Variants in MANEA observed in about 807,000 individuals in gnomAD.
MANEA encodes the protein mannosidase endo-alpha, also known as glycoprotein endo-alpha-1,2-mannosidase.
MANEA carries 25 observed loss-of-function variants against 36.8 expected under a neutral mutation model. That is an observed-to-expected ratio of 0.68 (90% confidence interval 0.50 to 0.95). The LOEUF is 0.95. MANEA is among the 40% of genes least tolerant of loss of function. The pLI, the probability that MANEA is intolerant of heterozygous loss-of-function variation, is 0.00. For synonymous variants in MANEA, 198 were observed against 188.5 expected (o/e 1.05, Z -0.41); for missense variants, 565 against 558.8 (o/e 1.01, Z -0.11).
rs553193531 is a variant in MANEA at position 95,587,223 on chromosome 6, C to T, written c.544+240C>T. The stretch of plus-strand genomic sequence containing the variant: ...GCATTTCTGGATATATTGTTGATTT[C>T]TAATTTAATTCACTTTCTCAATTTT... On this transcript the variant is annotated intron_variant, in intron 2 of 4. Coordinates refer to ENST00000358812, the MANE Select transcript of MANEA (RefSeq NM_024641.4). The T allele has an allele frequency of 1.9e-4, 80 of 425,914 alleles. No individual in the cohort carries two copies. In the Middle Eastern group the frequency reaches 3.2e-3, roughly 17 times the overall value. The allele number at this position is 425,914 out of a possible 1,614,324, so 26.4% of individuals were successfully genotyped here.
Position 95,593,021 on chromosome 6 carries a change from GT to G in MANEA, c.545-3713del, listed in dbSNP as rs1200060131. ...AACATGACATGAGTTTTTGCATTTA[GT>G]TTGCTAATATTTCAAGAATGGACTT... On this transcript the variant is annotated intron_variant, in intron 2 of 4. Transcript: ENST00000358812. Among the ~76,000 whole-genome samples the G allele has an allele frequency of 2.6e-5, 4 of 152,258 alleles. No homozygotes were observed. The East Asian group carries it at 5.8e-4, about 22-fold the overall frequency.
rs1769290159 is a variant in MANEA at position 95,586,704 on chromosome 6, T to C, written c.265T>C (p.Ser89Pro). The C allele has an allele frequency of 1.2e-6, 2 of 1,613,904 alleles. No individual in the cohort carries two copies. Among genetic ancestry groups the C allele is most frequent in the Admixed American group, 1.7e-5 (1 of 60,000 alleles). Residue 89 changes from serine to proline, a missense_variant, in exon 2 of 5, where the codon TCT becomes CCT. Physicochemically the swap from Ser to Pro is moderately conservative, Grantham distance 74 (BLOSUM62 -1). Coordinates refer to ENST00000358812, the MANE Select transcript of MANEA (RefSeq NM_024641.4). ...VEITMKPSKA[S>P]ELNLDELPPL... The stretch of plus-strand genomic sequence containing the variant: ...AATCACTATGAAACCTTCCAAAGCC[T>C]CTGAACTTAACTTGGATGAACTACC...
intron 1 of MANEA, among the ~76,000 whole-genome samples, chr6:95,579,476 G>A (rs2127936542): frequency 6.6e-6 from 1 of 152,204 alleles, no homozygotes; most frequent in African/African-American, 2.4e-5. Context: ...GGCAAGGATT[G>A]ATTTTGAAAC....
chr6:95,582,586 A>C lies in MANEA; in HGVS notation c.-38-3816A>C, dbSNP rs1769203868. Reference sequence around the variant, plus strand: ...CAGGGTTTGAAAGACTTTGTGACTTAGCCCTTTCCAGAAATAAGCAGGTAT... The same window carrying C: ...CAGGGTTTGAAAGACTTTGTGACTTCGCCCTTTCCAGAAATAAGCAGGTAT... On this transcript the variant is annotated intron_variant, in intron 1 of 4. Transcript: ENST00000358812. 5.3e-5 allele frequency among the ~76,000 whole-genome samples: 8 copies of C among 152,198 alleles called. No individual in the cohort carries two copies. In the South Asian group the frequency reaches 1.7e-3, roughly 31 times the overall value.
Position 95,586,878 on chromosome 6 carries a change from C to A in MANEA, c.439C>A (p.Pro147Thr), listed in dbSNP as rs754984249. 6.2e-7 allele frequency: 1 copy of A among 1,613,498 alleles called. No individual in the cohort carries two copies. Among genetic ancestry groups the A allele is most frequent in the Non-Finnish European group, 8.5e-7 (1 of 1,179,488 alleles). Reference sequence around the variant, plus strand: ...TTATCCACAAGGGAGACACAACCCTCCAGATGACATTGGCTCCAGCTTTTA... The same window carrying A: ...TTATCCACAAGGGAGACACAACCCTACAGATGACATTGGCTCCAGCTTTTA... ...KNYPQGRHNP[P>T]DDIGSSFYPE... is the part of the protein sequence containing the mutation. The change falls in exon 2 of 5, where the codon CCA becomes ACA. Residue 147 changes from proline (P) to threonine (T), a missense_variant. Pro to Thr is a conservative substitution (Grantham distance 38). Transcript: ENST00000358812.
intron 2 of MANEA, 164 bp downstream of exon 2, chr6:95,587,147 C>G: frequency 1.8e-6 from 1 of 559,684 alleles, no homozygotes; most frequent in Non-Finnish European, 3.2e-6. Flanking sequence ...TCCAGGCAAC[C>G]ACATTTTAAC....
chr6:95,606,552 T>G lies in MANEA; in HGVS notation c.*147T>G, dbSNP rs1236482463. The G allele has an allele frequency of 7.4e-6, 3 of 405,606 alleles. No individual in the cohort carries two copies. The highest frequency in any genetic ancestry group is 1.3e-5 in the Non-Finnish European group (3 of 239,742). 25.1% of individuals were successfully genotyped at this position (405,606 alleles called of 1,614,324 possible). A position where few individuals can be genotyped will look rare whatever the true frequency, so the allele number is the denominator to read the frequency against. The stretch of plus-strand genomic sequence containing the variant: ...TTTTTTAAATTCTTTACAGATAATA[T>G]TATACTTGTTACCCTTCACAATACC... On this transcript the variant is annotated 3_prime_UTR_variant, in exon 5 of 5. Coordinates refer to ENST00000358812, the MANE Select transcript of MANEA (RefSeq NM_024641.4).
intron 4 of MANEA, 95 bp downstream of exon 4, chr6:95,604,998 G>T: frequency 6.9e-6 from 3 of 435,044 alleles, no homozygotes; most frequent in Non-Finnish European, 1.2e-5. Context: ...AGATTTGAAT[G>T]ATTTATGATT....
At chr6:95,594,338 A>G (rs1335520759) in intron 2 of MANEA, among the ~76,000 whole-genome samples, 2 of 152,170 alleles carry the variant, frequency 1.3e-5, no homozygotes, top group African/African-American at 2.4e-5. Flanking sequence ...AAGTGGTGAG[A>G]TATTTGAATA....
At position 95,607,880 on chromosome 6, in the gene MANEA, C is replaced by G. The variant is rs1015018875; in HGVS notation, c.*1475C>G. 8 of 151,396 alleles carry G rather than the reference C, an allele frequency of 5.3e-5. No homozygotes were observed. Among genetic ancestry groups the G allele is most frequent in the Non-Finnish European group, 1.2e-4 (8 of 67,644 alleles). 9.4% of individuals were successfully genotyped at this position (151,396 alleles called of 1,614,324 possible). A position where few individuals can be genotyped will look rare whatever the true frequency, so the allele number is the denominator to read the frequency against. ...ATAAATCTTCAGAGTATAAAGACAT[C>G]CATTCAGAAACAAAAATTAGCACTA... On this transcript the variant is annotated 3_prime_UTR_variant, in exon 5 of 5. Coordinates refer to ENST00000358812, the MANE Select transcript of MANEA (RefSeq NM_024641.4).
In MANEA at chr6:95,606,335, G is replaced by A. The variant is rs986838219; in HGVS notation, c.1319G>A (p.Arg440His). Reference protein sequence around the residue: ...HKPGLYLELTRKWSEKYSKER... With the variant: ...HKPGLYLELTHKWSEKYSKER... ...CCAGGTCTTTACCTAGAACTGACTC[G>A]CAAGTGGTCTGAAAAATACAGTAAG... The change falls in exon 5 of 5, where the codon CGC becomes CAC. Residue 440 changes from arginine to histidine, a missense_variant. Coordinates refer to ENST00000358812, the MANE Select transcript of MANEA (RefSeq NM_024641.4). 2 of 1,609,074 alleles carry A rather than the reference G, an allele frequency of 1.2e-6. No homozygotes were observed. Among genetic ancestry groups the A allele is most frequent in the South Asian group, 1.1e-5 (1 of 91,058 alleles).
In MANEA at chr6:95,595,774, T is replaced by G. The variant is rs1562198784; in HGVS notation, c.545-963T>G. 2.6e-5 allele frequency among the ~76,000 whole-genome samples: 4 copies of G among 152,184 alleles called. No homozygotes were observed. The South Asian group carries it at 8.3e-4, about 31-fold the overall frequency. On this transcript the variant is annotated intron_variant, in intron 2 of 4. Transcript: ENST00000358812. Reference sequence around the variant, plus strand: ...TCCAGTTAGTGATTTTCATGTAATTTATGCTTCTAACACATAATTTATCAG... The same window carrying G: ...TCCAGTTAGTGATTTTCATGTAATTGATGCTTCTAACACATAATTTATCAG...
At chr6:95,604,984 T>C (rs1769671990) in intron 4 of MANEA, 81 bp downstream of exon 4, 1 of 476,252 alleles carries the variant, frequency 2.1e-6, no homozygotes, top group Admixed American at 4.3e-5. Flanking sequence ...TTAAATTATA[T>C]TTGAGATTTG....
intron 4 of MANEA, 148 bp from the exon 5 acceptor site, chr6:95,605,600 A>AATT: frequency 1.7e-6 from 1 of 598,458 alleles, no homozygotes; most frequent in Non-Finnish European, 2.9e-6. Context: ...ATGCATTTTT[A>AATT]ATTATTACAC....
intron 1 of MANEA, among the ~76,000 whole-genome samples, chr6:95,586,195 GTTTA>G (rs1291081982): frequency 6.6e-6 from 1 of 152,080 alleles, no homozygotes; most frequent in Non-Finnish European, 1.5e-5. Context: ...GAATATTGCC[GTTTA>G]TTCTAGCCAT....
intron 2 of MANEA, among the ~76,000 whole-genome samples, chr6:95,587,975 A>C (rs1163576840): frequency 6.6e-6 from 1 of 151,898 alleles, no homozygotes; most frequent in East Asian, 1.9e-4. Context: ...ACCTTTTTAC[A>C]ATACGCCCCT....
chr6:95,602,477 T>C (rs1262826504), intron 3 of MANEA, among the ~76,000 whole-genome samples: 2 of 152,032 alleles, frequency 1.3e-5, no homozygotes, highest in African/African-American at 4.8e-5. Context: ...AGATTTTCAT[T>C]CAAAAAAGTT....
intron 1 of MANEA, among the ~76,000 whole-genome samples, chr6:95,581,268 G>C (rs11153557): frequency 0.025 from 3,765 of 152,264 alleles, 157 homozygotes; most frequent in African/African-American, 0.087. Flanking sequence ...AGAGCCAGCA[G>C]ATCATCTCTT....
chr6:95,587,042 T>C (rs1489984545), intron 2 of MANEA, 59 bp downstream of exon 2: 1 of 1,012,000 alleles, frequency 9.9e-7, no homozygotes, highest in Admixed American at 2.0e-5. Context: ...TATAAATGAT[T>C]TTTTGTGTAA....
Sources: allele counts gnomAD v4.1 joint callset (sites outside exome capture counted in the v4.1 genomes callset), GRCh38; gene constraint gnomAD v4.1.1; transcripts MANE v1.5; gene names NCBI Gene and HGNC (gene_info 2026-07-23, HGNC 2026-07-21).